Variants in PLPPR1 observed in about 807,000 individuals in gnomAD.
The protein encoded by PLPPR1 is phospholipid phosphatase related 1, also known as phospholipid phosphatase-related protein type 1.
PLPPR1 carries 10 observed loss-of-function variants against 33.1 expected under a neutral mutation model. That is an observed-to-expected ratio of 0.30 (90% CI 0.19 to 0.51). The LOEUF (loss-of-function observed/expected upper bound fraction) is 0.51. Among genes scored for constraint, PLPPR1 ranks in the 20% least tolerant of loss-of-function variants. The probability of loss-of-function intolerance (pLI) is 0.97; values close to 1 mark genes in which losing one functional copy is unlikely to be tolerated. For missense variants in PLPPR1, 304 were observed against 408.1 expected, an observed-to-expected ratio of 0.74 and a Z score of 2.20; for synonymous variants, 151 against 151.0, an observed-to-expected ratio of 1.00 and a Z score of 0.00.
At chr9:101,052,543 G>A (rs1212018621) in intron 1 of PLPPR1, among the ~76,000 whole-genome samples, 1 of 152,090 alleles carries the variant, frequency 6.6e-6, no homozygotes, top group Non-Finnish European at 1.5e-5. Context: ...ACAAGATAGC[G>A]GAGAAGACAG....
chr9:101,142,643 C>G (rs867055565), intron 1 of PLPPR1, among the ~76,000 whole-genome samples: 132 of 152,246 alleles, frequency 8.7e-4, no homozygotes, highest in African/African-American at 3.0e-3. Context: ...AGGAATAGTC[C>G]CAGAATCCTT....
intron 7 of PLPPR1, among the ~76,000 whole-genome samples, chr9:101,318,898 G>T (rs76811150): frequency 6.6e-6 from 1 of 152,054 alleles, no homozygotes; most frequent in Admixed American, 6.6e-5. Context: ...AGCAGATGGG[G>T]GACAACTAAT....
At chr9:101,248,730 C>T (rs186722693) in intron 2 of PLPPR1, among the ~76,000 whole-genome samples, 1 of 152,004 alleles carries the variant, frequency 6.6e-6, no homozygotes, top group African/African-American at 2.4e-5. Context: ...AATACCTGTT[C>T]TTATCTTATT....
At chr9:101,059,680 G>T (rs1830320588) in intron 1 of PLPPR1, among the ~76,000 whole-genome samples, 1 of 151,972 alleles carries the variant, frequency 6.6e-6, no homozygotes, top group African/African-American at 2.4e-5. Flanking sequence ...TTTTTCAAAG[G>T]AAGATTTACA....
At chr9:101,118,972 A>T (rs985606746) in intron 1 of PLPPR1, among the ~76,000 whole-genome samples, 1 of 151,994 alleles carries the variant, frequency 6.6e-6, no homozygotes, top group African/African-American at 2.4e-5. Flanking sequence ...ATGAAACATG[A>T]GAAGTTCGTT....
rs1829216695 is a variant in PLPPR1 at position 101,324,485 on chromosome 9, G to GA, written c.*430dup. ...TAAAAGGCAAACTTTTGAGCTGCAG[G>GA]AAGGACAATGTTGGTTAATAATAAA... On this transcript the variant is annotated 3_prime_UTR_variant, in exon 8 of 8. Transcript: ENST00000374874. The GA allele has an allele frequency of 6.4e-6, 1 of 155,174 alleles. No homozygotes were observed. The highest frequency in any genetic ancestry group is 1.4e-5 in the Non-Finnish European group (1 of 69,984). 9.6% of individuals were successfully genotyped at this position (155,174 alleles called of 1,614,324 possible). A position where few individuals can be genotyped will look rare whatever the true frequency, so the allele number is the denominator to read the frequency against.
chr9:101,196,603 T>A (rs562182279), intron 2 of PLPPR1, among the ~76,000 whole-genome samples: 1 of 152,374 alleles, frequency 6.6e-6, no homozygotes, highest in South Asian at 2.1e-4. Context: ...GGCTCACGCC[T>A]GTAATCCCAG....
intron 4 of PLPPR1, among the ~76,000 whole-genome samples, chr9:101,304,273 A>G (rs961062652): frequency 2.4e-4 from 36 of 152,236 alleles, no homozygotes; most frequent in African/African-American, 8.4e-4. Flanking sequence ...GCAAAGCACC[A>G]ACATGAATTA....
At chr9:101,222,219 G>T (rs1053631762) in intron 2 of PLPPR1, among the ~76,000 whole-genome samples, 1 of 152,186 alleles carries the variant, frequency 6.6e-6, no homozygotes, top group African/African-American at 2.4e-5. Context: ...AGGCAACTCA[G>T]CTCTCCCCTC....
At chr9:101,089,273 G>A (rs1443538315) in intron 1 of PLPPR1, among the ~76,000 whole-genome samples, 2 of 150,976 alleles carry the variant, frequency 1.3e-5, no homozygotes, top group African/African-American at 4.9e-5. Flanking sequence ...TACATAGTAA[G>A]TAATAAAGCT....
chr9:101,056,067 C>G (rs933434053), intron 1 of PLPPR1, among the ~76,000 whole-genome samples: 1 of 152,244 alleles, frequency 6.6e-6, no homozygotes. Context: ...AAGTGCTTTA[C>G]GGGCATTATT....
At chr9:101,280,841 C>T (rs993945190) in intron 3 of PLPPR1, among the ~76,000 whole-genome samples, 11 of 152,112 alleles carry the variant, frequency 7.2e-5, no homozygotes, top group Admixed American at 7.2e-4. Context: ...AACTGAAAGC[C>T]TTTCCTCTAA....
intron 4 of PLPPR1, among the ~76,000 whole-genome samples, chr9:101,293,849 C>T (rs944971115): frequency 2.0e-5 from 3 of 151,734 alleles, no homozygotes; most frequent in Non-Finnish European, 4.4e-5. Context: ...CAAGAGAAAG[C>T]AGGAAAGATC....
At chr9:101,146,626 G>C (rs145539581) in intron 1 of PLPPR1, among the ~76,000 whole-genome samples, 2 of 152,294 alleles carry the variant, frequency 1.3e-5, no homozygotes, top group East Asian at 3.9e-4. Flanking sequence ...TTCCAAGCAC[G>C]AAGTGCAGAA....
intron 1 of PLPPR1, among the ~76,000 whole-genome samples, chr9:101,166,813 A>G (rs1177417035): frequency 1.3e-5 from 2 of 152,066 alleles, no homozygotes; most frequent in African/African-American, 4.8e-5. Flanking sequence ...GTTTAGCCCC[A>G]CTATGCACAC....
intron 2 of PLPPR1, among the ~76,000 whole-genome samples, chr9:101,208,713 A>AAAT (rs1826632701): frequency 6.6e-6 from 1 of 152,208 alleles, no homozygotes; most frequent in African/African-American, 2.4e-5. Flanking sequence ...CAGAAAAAGG[A>AAAT]AATAGAACAT....
intron 1 of PLPPR1, among the ~76,000 whole-genome samples, chr9:101,101,301 G>A (rs1334171306): frequency 6.6e-6 from 1 of 152,042 alleles, no homozygotes; most frequent in Admixed American, 6.6e-5. Context: ...TATAATAAGT[G>A]TCCTTGGGTT....
intron 1 of PLPPR1, among the ~76,000 whole-genome samples, chr9:101,044,803 G>A (rs1392220695): frequency 3.3e-5 from 5 of 152,152 alleles, no homozygotes; most frequent in Non-Finnish European, 7.3e-5. Flanking sequence ...ATGTGTCTAG[G>A]AAGTGTTTTA....
At chr9:101,312,565 G>A (rs889299460) in intron 5 of PLPPR1, among the ~76,000 whole-genome samples, 4 of 152,176 alleles carry the variant, frequency 2.6e-5, no homozygotes, top group African/African-American at 9.7e-5. Flanking sequence ...ATGTCCACTA[G>A]ATTACAAAAG....
Sources: allele counts gnomAD v4.1 joint callset (sites outside exome capture counted in the v4.1 genomes callset), GRCh38; gene constraint gnomAD v4.1.1; transcripts MANE v1.5; gene names NCBI Gene and HGNC (gene_info 2026-07-23, HGNC 2026-07-21).